PRMT7: variants seen among roughly 807,000 people sequenced by gnomAD.
The protein encoded by PRMT7 is protein arginine N-methyltransferase 7.
Under a neutral mutation model 85.4 loss-of-function variants are expected in PRMT7, and 75 were observed. The ratio of observed to expected loss-of-function variants is 0.88; its 90% CI spans 0.73 to 1.06. The LOEUF is 1.06. PRMT7 is among the 50% of genes least tolerant of loss of function. The probability of loss-of-function intolerance (pLI) is 0.00; values close to 1 mark genes in which losing one functional copy is unlikely to be tolerated. For missense variants in PRMT7, 868 were observed against 915.2 expected, an observed-to-expected ratio of 0.95 and a Z score of 0.67; for synonymous variants, 397 against 359.5, an observed-to-expected ratio of 1.10 and a Z score of -1.18.
Position 68,345,578 on chromosome 16 carries a change from G to A in PRMT7, c.928-97G>A, listed in dbSNP as rs908168872. On this transcript the variant is annotated intron_variant, in intron 9 of 18. Transcript: ENST00000441236. ...GCCAGCTGTAGTCTACATTGTGGAC[G>A]TCCTGAAAACTGGCAGTTCTCTGGC... The A allele has an allele frequency of 8.3e-5, 128 of 1,536,028 alleles. No homozygotes were observed. The East Asian group carries it at 2.6e-3, about 31-fold the overall frequency.
rs56041186 is a variant in PRMT7 at position 68,348,631 on chromosome 16, CTTTTTTTTTTTTTTTTTT to C, written c.1413+211_1413+228del. ...CCGGTGAGCAGATGGTTGCACTGCT[CTTTTTTTTTTTTTTTTTT>C]TTTTTTTTTTGAAAATGGGGTCTCG... On this transcript the variant is annotated intron_variant, in intron 14 of 18. Transcript: ENST00000441236. Among the ~76,000 whole-genome samples the C allele has an allele frequency of 4.4e-5, 3 of 67,646 alleles. No homozygotes were observed. In the South Asian group the frequency reaches 1.8e-3, roughly 40 times the overall value. The allele number at this position is 67,646 out of a possible 152,430, so 44.4% of individuals were successfully genotyped here.
intron 3 of PRMT7, among the ~76,000 whole-genome samples, chr16:68,317,957 G>C (rs946672621): frequency 6.6e-6 from 1 of 152,114 alleles, no homozygotes; most frequent in Admixed American, 6.5e-5. Context: ...GAAAGCATAC[G>C]CGGGGTCATT....
chr16:68,346,232 G>A lies in PRMT7; in HGVS notation c.1143G>A (p.Glu381=). ...HLLWNRPRFG[E]INDQDRTDRY... ...TCTGGAACCGGCCTCGGTTTGGAGAGATCAATGACCAGGACAGAACTGATC... is the reference window on the plus strand; with the variant it reads ...TCTGGAACCGGCCTCGGTTTGGAGAAATCAATGACCAGGACAGAACTGATC... The change falls in exon 11 of 19, where the codon GAG becomes GAA. Residue 381 remains glutamate (E), a synonymous_variant. Transcript: ENST00000441236. 1 of 1,614,244 alleles carries A rather than the reference G, an allele frequency of 6.2e-7. No homozygotes were observed. Among genetic ancestry groups the A allele is most frequent in the Non-Finnish European group, 8.5e-7 (1 of 1,180,052 alleles).
chr16:68,351,920 TTTTTTCTATCACATGGG>T (rs1299252031), intron 14 of PRMT7: 1 of 196,954 alleles, frequency 5.1e-6, no homozygotes, highest in Non-Finnish European at 1.0e-5. Context: ...CCTTCCTTGC[TTTTTTCTATCACATGGG>T]GTCAGCCCCA....
At position 68,345,771 on chromosome 16, in the gene PRMT7, T is replaced by A. The variant is rs1428075269; in HGVS notation, c.1024T>A (p.Tyr342Asn). Residue 342 changes from tyrosine to asparagine, a missense_variant, in exon 10 of 19, where the codon TAC becomes AAC. Tyr to Asn is a moderately radical substitution (Grantham distance 143). Coordinates refer to ENST00000441236, the MANE Select transcript of PRMT7 (RefSeq NM_019023.5). ...CTATCTGGTAGCCCACCACGATGAC[T>A]ACTGCGTATGGTACAGCCTGCAGAG... Reference protein sequence around the residue: ...ALYLVAHHDDYCVWYSLQRTS... With the variant: ...ALYLVAHHDDNCVWYSLQRTS... 1 of 1,614,166 alleles carries A rather than the reference T, an allele frequency of 6.2e-7. No individual in the cohort carries two copies. The highest frequency in any genetic ancestry group is 2.2e-5 in the East Asian group (1 of 44,880).
intron 15 of PRMT7, chr16:68,353,284 C>A: frequency 9.0e-7 from 1 of 1,115,834 alleles, no homozygotes. Context: ...TAGGAGAGGA[C>A]TCAGGTGTCA....
In PRMT7 at chr16:68,345,832, G is replaced by A. The variant is rs775920489; in HGVS notation, c.1055+30G>A. 4 of 1,612,424 alleles carry A rather than the reference G, an allele frequency of 2.5e-6. No individual in the cohort carries two copies. The South Asian group carries it at 4.4e-5, about 18-fold the overall frequency. ...GTCGAGCCTCGTGGGGGTGGAGGAT[G>A]AGCCTCTGAGACTTGTATGTAAATT... On this transcript the variant is annotated intron_variant, in intron 10 of 18. Transcript: ENST00000441236.
At chr16:68,330,917 T>C (rs953275505) in intron 6 of PRMT7, among the ~76,000 whole-genome samples, 1 of 152,182 alleles carries the variant, frequency 6.6e-6, no homozygotes, top group Non-Finnish European at 1.5e-5. Context: ...TTTTAAAATA[T>C]ACAATAGAGT....
At chr16:68,317,633 G>T (rs1413119800) in intron 3 of PRMT7, among the ~76,000 whole-genome samples, 1 of 152,142 alleles carries the variant, frequency 6.6e-6, no homozygotes, top group Non-Finnish European at 1.5e-5. Context: ...TTCGAGACCA[G>T]CCTGACCAAC....
rs557626724 is a variant in PRMT7, at chr16:68,339,673, G to A, written c.746+110G>A. 12 of 1,576,372 alleles carry A rather than the reference G, an allele frequency of 7.6e-6. No homozygotes were observed. In the Admixed American group the frequency reaches 8.5e-5, roughly 11 times the overall value. On this transcript the variant is annotated intron_variant, in intron 8 of 18. Transcript: ENST00000441236. ...AAATCTAGCTGCTGTCACCTGCCTC[G>A]AAGGCAAGAGTCCTTTGCAGCCAAA...
chr16:68,341,736 G>A (rs1189193481), intron 9 of PRMT7, among the ~76,000 whole-genome samples: 3 of 152,104 alleles, frequency 2.0e-5, no homozygotes, highest in African/African-American at 7.2e-5. Context: ...GGATAGTTTG[G>A]CAGGCGAGGG....
chr16:68,321,459 CAG>C lies in PRMT7; in HGVS notation c.132_132+1del. ...ATGCAGATATGCTACATGACAAAGA[CAG>C]AGTAAGTGTAAAAGGAAACTATTAT... is the stretch of plus-strand genomic sequence containing the variant. ...SYADMLHDKD[R>X]NVKYYQGIRA... On this transcript the variant is annotated frameshift_variant and splice_region_variant, in exon 4 of 19. Transcript: ENST00000441236. LOFTEE classifies it high-confidence loss of function. 2 of 1,608,796 alleles carry C rather than the reference CAG, an allele frequency of 1.2e-6. No individual in the cohort carries two copies. The highest frequency in any genetic ancestry group is 1.7e-6 in the Non-Finnish European group (2 of 1,176,452).
rs368534614 is a variant in PRMT7, at chr16:68,356,813, C to T, written c.1908+16C>T. ...AGACCCCGAGGTAGTGCCTGCGCACCGGGCCCAGTGTGCGTGCAGACCCTG... is the reference window on the plus strand; with the variant it reads ...AGACCCCGAGGTAGTGCCTGCGCACTGGGCCCAGTGTGCGTGCAGACCCTG... On this transcript the variant is annotated intron_variant, in intron 18 of 18. Coordinates refer to ENST00000441236, the MANE Select transcript of PRMT7 (RefSeq NM_019023.5). 7.7e-5 allele frequency: 122 copies of T among 1,594,140 alleles called. No individual in the cohort carries two copies. The highest frequency in any genetic ancestry group is 3.2e-4 in the African/African-American group (24 of 74,500).
At chr16:68,337,710 G>T in intron 7 of PRMT7, 139 bp downstream of exon 7, 2 of 450,476 alleles carry the variant, frequency 4.4e-6, no homozygotes, top group Non-Finnish European at 7.7e-6. Flanking sequence ...TCCTGGGGGG[G>T]CTCTGGTTCT....
At chr16:68,339,074 G>A (rs1339269965) in intron 7 of PRMT7, among the ~76,000 whole-genome samples, 1 of 152,202 alleles carries the variant, frequency 6.6e-6, no homozygotes, top group Non-Finnish European at 1.5e-5. Context: ...AAGAGTGCCA[G>A]GTAGCCAGGA....
At chr16:68,334,993 C>CACCACATT (rs2084448007) in intron 6 of PRMT7, among the ~76,000 whole-genome samples, 1 of 152,070 alleles carries the variant, frequency 6.6e-6, no homozygotes, top group Admixed American at 6.6e-5. Flanking sequence ...GACAAGGTTT[C>CACCACATT]ACCACATTGG....
At chr16:68,341,744 G>A (rs919266885) in intron 9 of PRMT7, among the ~76,000 whole-genome samples, 1 of 152,160 alleles carries the variant, frequency 6.6e-6, no homozygotes, top group Non-Finnish European at 1.5e-5. Flanking sequence ...TGGCAGGCGA[G>A]GGAGTCCACT....
intron 9 of PRMT7, among the ~76,000 whole-genome samples, chr16:68,342,281 AAAT>A (rs1942273040): frequency 6.6e-6 from 1 of 152,300 alleles, no homozygotes; most frequent in African/African-American, 2.4e-5. Context: ...CTGTCTCAAA[AAAT>A]AATAAGAACA....
At chr16:68,313,151 G>T (rs1170079143) in intron 2 of PRMT7, among the ~76,000 whole-genome samples, 1 of 152,102 alleles carries the variant, frequency 6.6e-6, no homozygotes, top group Admixed American at 6.6e-5. Flanking sequence ...AAGACACTGT[G>T]GTCCTGGTTT....
Sources: allele counts gnomAD v4.1 joint callset (sites outside exome capture counted in the v4.1 genomes callset), GRCh38; gene constraint gnomAD v4.1.1; transcripts MANE v1.5; gene names NCBI Gene and HGNC (gene_info 2026-07-23, HGNC 2026-07-21).